CDH12: variants seen among roughly 807,000 people sequenced by gnomAD.
CDH12 encodes the protein cadherin-12.
Under a neutral mutation model 74.1 loss-of-function variants are expected in CDH12, and 41 were observed. The ratio of observed to expected loss-of-function variants is 0.55; its 90% CI spans 0.43 to 0.72. The LOEUF (loss-of-function observed/expected upper bound fraction) is 0.72. Ranked by LOEUF, CDH12 falls within the 30% of genes least tolerant of loss-of-function variation. CDH12 has a pLI of 0.00. For synonymous variants in CDH12, 399 were observed against 355.0 expected, an observed-to-expected ratio of 1.12 and a Z score of -1.39; for missense variants, 945 against 977.2, an observed-to-expected ratio of 0.97 and a Z score of 0.44.
chr5:22,046,024 AAAAAT>A (rs1739927124), intron 5 of CDH12, among the ~76,000 whole-genome samples: 1 of 152,212 alleles, frequency 6.6e-6, no homozygotes, highest in Non-Finnish European at 1.5e-5. Flanking sequence ...CGTGCCAACT[AAAAAT>A]AAAATAAAAC....
In CDH12 at chr5:22,756,958, C is replaced by CAA. The variant is rs11305654; in HGVS notation, c.-523+96098_-523+96099dup. 8.8e-3 allele frequency among the ~76,000 whole-genome samples: 1,262 copies of CAA among 143,236 alleles called. 20 individuals carry two copies. The highest frequency in any genetic ancestry group is 0.031 in the African/African-American group (1,195 of 38,978). 94.0% of individuals were successfully genotyped at this position (143,236 alleles called of 152,430 possible). ...TAGGCAACAGAGAAAGACTCCGTCT[C>CAA]AAAAAAAAAAAAAAATTAATTGTTA... On this transcript the variant is annotated intron_variant, in intron 1 of 14. Transcript: ENST00000382254.
Position 22,175,325 on chromosome 5 carries a change from T to G in CDH12, c.-187+37173A>C, listed in dbSNP as rs1021885389. ...ACAAATAGTAAACCATCTATCCATG[T>G]CAGATGTAGAAAAAATTGTTTAAAG... On this transcript the variant is annotated intron_variant, in intron 4 of 14. Coordinates refer to ENST00000382254, the MANE Select transcript of CDH12 (RefSeq NM_004061.5). Among the ~76,000 whole-genome samples, 313 of 151,826 alleles carry G rather than the reference T, an allele frequency of 2.1e-3. 9 individuals are homozygous for G. The highest frequency in any genetic ancestry group is 4.1e-4 in the Non-Finnish European group (28 of 67,868).
At chr5:22,354,008 C>T (rs929193632) in intron 3 of CDH12, among the ~76,000 whole-genome samples, 2 of 152,158 alleles carry the variant, frequency 1.3e-5, no homozygotes, top group African/African-American at 4.8e-5. Flanking sequence ...AAGGAGAGAC[C>T]AGTAATGAAG....
intron 1 of CDH12, among the ~76,000 whole-genome samples, chr5:22,610,622 ATC>A (rs138340821): frequency 0.065 from 9,938 of 152,004 alleles, 428 homozygotes; most frequent in East Asian, 0.24. Context: ...ACTGAATAAA[ATC>A]TCTCTCATTT....
intron 2 of CDH12, among the ~76,000 whole-genome samples, chr5:22,504,496 C>A (rs1295673417): frequency 6.6e-6 from 1 of 152,040 alleles, no homozygotes; most frequent in Non-Finnish European, 1.5e-5. Context: ...TCTCTTCAAC[C>A]TTGTCTTTCT....
intron 1 of CDH12, among the ~76,000 whole-genome samples, chr5:22,537,797 G>A (rs1737923461): frequency 6.6e-6 from 1 of 152,208 alleles, no homozygotes; most frequent in African/African-American, 2.4e-5. Context: ...AAACTTGTCT[G>A]TGACTGTTTA....
intron 3 of CDH12, among the ~76,000 whole-genome samples, chr5:22,219,888 G>A (rs1281513371): frequency 6.6e-6 from 1 of 151,648 alleles, no homozygotes; most frequent in Non-Finnish European, 1.5e-5. Flanking sequence ...ACACTAAGAA[G>A]ATAACTCACA....
At chr5:21,872,794 CTAT>C (rs1474265924) in intron 6 of CDH12, among the ~76,000 whole-genome samples, 17 of 142,184 alleles carry the variant, frequency 1.2e-4, no homozygotes, top group African/African-American at 4.8e-4. Context: ...ATCTATCTAT[CTAT>C]CTATCTATCT....
intron 11 of CDH12, among the ~76,000 whole-genome samples, chr5:21,768,395 T>C (rs1264232821): frequency 6.6e-6 from 1 of 151,764 alleles, no homozygotes; most frequent in East Asian, 1.9e-4. Flanking sequence ...ACCTATTTCA[T>C]TAATATTTTA....
intron 1 of CDH12, among the ~76,000 whole-genome samples, chr5:22,641,980 C>A (rs769303967): frequency 6.6e-6 from 1 of 152,046 alleles, no homozygotes; most frequent in Non-Finnish European, 1.5e-5. Flanking sequence ...TTTTGTAGGC[C>A]AAGCTCAATG....
intron 3 of CDH12, among the ~76,000 whole-genome samples, chr5:22,390,866 T>C (rs1432822910): frequency 3.9e-5 from 6 of 152,088 alleles, no homozygotes; most frequent in South Asian, 2.1e-4. Flanking sequence ...GGTGGGAACA[T>C]AAAAATAGCA....
At chr5:22,212,415 G>A (rs903758798) in intron 4 of CDH12, 83 bp downstream of exon 4, 1 of 356,450 alleles carries the variant, frequency 2.8e-6, no homozygotes, top group Non-Finnish European at 3.9e-6. Context: ...ACTTGCTGCA[G>A]TGCAGAATGT....
chr5:22,739,386 T>C (rs17358314), intron 1 of CDH12, among the ~76,000 whole-genome samples: 45,416 of 151,582 alleles, frequency 0.3, 6,950 homozygotes, highest in South Asian at 0.35. Context: ...TGTCAATGAA[T>C]GTTGTCCACT....
intron 4 of CDH12, among the ~76,000 whole-genome samples, chr5:22,097,745 T>C (rs188611535): frequency 1.2e-3 from 188 of 151,964 alleles, no homozygotes; most frequent in Middle Eastern, 6.8e-3. Flanking sequence ...ATAAGACACC[T>C]CTACTCCCTC....
intron 1 of CDH12, among the ~76,000 whole-genome samples, chr5:22,760,838 C>T (rs188190680): frequency 1.1e-4 from 17 of 151,844 alleles, no homozygotes; most frequent in Admixed American, 1.0e-3. Flanking sequence ...GAATGTGTAC[C>T]AGATATACAA....
At chr5:22,581,880 T>G (rs908183923) in intron 1 of CDH12, among the ~76,000 whole-genome samples, 5 of 152,176 alleles carry the variant, frequency 3.3e-5, no homozygotes, top group African/African-American at 1.2e-4. Flanking sequence ...AATTACAGCC[T>G]GAAAACATTT....
chr5:22,119,722 G>C (rs1197417998), intron 4 of CDH12, among the ~76,000 whole-genome samples: 1 of 151,984 alleles, frequency 6.6e-6, no homozygotes, highest in Non-Finnish European at 1.5e-5. Flanking sequence ...TCCATGCCTC[G>C]ATTATCTTTT....
At chr5:22,128,715 C>A (rs1266762072) in intron 4 of CDH12, among the ~76,000 whole-genome samples, 2 of 152,160 alleles carry the variant, frequency 1.3e-5, no homozygotes, top group East Asian at 3.9e-4. Flanking sequence ...TTCTCCCCCA[C>A]TGAGAAGTAC....
chr5:22,056,796 T>C (rs1387666472), intron 5 of CDH12, among the ~76,000 whole-genome samples: 2 of 152,212 alleles, frequency 1.3e-5, no homozygotes, highest in Non-Finnish European at 2.9e-5. Context: ...CCTTATGGTT[T>C]CCTACTTTAC....
Sources: gnomAD v4.1 joint callset for allele counts (sites outside exome capture counted in the v4.1 genomes callset) on GRCh38, gnomAD v4.1.1 for gene constraint, MANE v1.5 for transcripts, NCBI Gene and HGNC (gene_info 2026-07-23, HGNC 2026-07-21) for gene names.